The following IPO7 variants were observed in gnomAD, a reference collection of about 807,000 sequenced individuals.
IPO7 encodes importin-7.
IPO7 carries 13 observed loss-of-function variants against 136.4 expected under a neutral mutation model. That is an observed-to-expected ratio of 0.10 (90% CI 0.06 to 0.15). The LOEUF (loss-of-function observed/expected upper bound fraction) is 0.15. Ranked by LOEUF, IPO7 falls within the 10% of genes least tolerant of loss-of-function variation. The pLI, the probability that IPO7 is intolerant of heterozygous loss-of-function variation, is 1.00. For missense variants in IPO7, 857 were observed against 1,240.6 expected (o/e 0.69, Z 4.65); for synonymous variants, 403 against 404.4 (o/e 1.00, Z 0.04).
At chr11:9,408,730 T>A in intron 3 of IPO7, 91 bp downstream of exon 3, 1 of 709,044 alleles carries the variant, frequency 1.4e-6, no homozygotes, top group South Asian at 2.4e-5. Flanking sequence ...TTTTTTTTTT[T>A]GAGATGGACT....
intron 1 of IPO7, among the ~76,000 whole-genome samples, chr11:9,398,564 GA>G (rs754113730): frequency 2.0e-5 from 3 of 152,312 alleles, no homozygotes; most frequent in Non-Finnish European, 2.9e-5. Context: ...ACTCTGAAAT[GA>G]AGTCATGTGT....
At chr11:9,407,403 A>G (rs962779358) in intron 2 of IPO7, among the ~76,000 whole-genome samples, 4 of 152,050 alleles carry the variant, frequency 2.6e-5, no homozygotes, top group Non-Finnish European at 4.4e-5. Context: ...AAAATACAAA[A>G]ATTACCTGGG....
At chr11:9,387,785 C>T (rs1248505516) in intron 1 of IPO7, among the ~76,000 whole-genome samples, 2 of 151,352 alleles carry the variant, frequency 1.3e-5, no homozygotes, top group Non-Finnish European at 1.5e-5. Flanking sequence ...GAGCTGAGAT[C>T]GTGCCACTGC....
chr11:9,433,512 T>A, intron 16 of IPO7, 58 bp from the exon 17 acceptor site: 3 of 1,152,044 alleles, frequency 2.6e-6, no homozygotes, highest in East Asian at 2.3e-5. Context: ...ATATGCGTTG[T>A]CTTACTAAGT....
In IPO7 at chr11:9,438,107, C is replaced by T. The variant is rs745969937; in HGVS notation, c.2517C>T (p.Leu839=). 16 of 1,335,700 alleles carry T rather than the reference C, an allele frequency of 1.2e-5. No individual in the cohort carries two copies. The highest frequency in any genetic ancestry group is 5.5e-5 in the African/African-American group (3 of 54,794). The allele number at this position is 1,335,700 out of a possible 1,614,324, so 82.7% of individuals were successfully genotyped here. A position where few individuals can be genotyped will look rare whatever the true frequency, so the allele number is the denominator to read the frequency against. Residue 839 remains leucine, a synonymous_variant, in exon 22 of 25, where the codon CTC becomes CTT. Coordinates refer to ENST00000379719, the MANE Select transcript of IPO7 (RefSeq NM_006391.3). ...LGLHDRKMCV[L]GLCALIDMEQ... ...TTCATGACAGAAAGATGTGTGTTCT[C>T]GGACTCTGTGCTCTTATTGATATGG...
Position 9,445,233 on chromosome 11 carries a change from A to C in IPO7, c.*39A>C. On this transcript the variant is annotated 3_prime_UTR_variant, in exon 25 of 25. Coordinates refer to ENST00000379719, the MANE Select transcript of IPO7 (RefSeq NM_006391.3). ...TTCCTGCTGTGTGCTTGTAGTGAAG[A>C]GCTTGTGTTCCTCCTAGTAGTGGTT... The C allele has an allele frequency of 7.8e-7, 1 of 1,274,766 alleles. No homozygotes were observed. The highest frequency in any genetic ancestry group is 1.5e-5 in the African/African-American group (1 of 68,294). 79.0% of individuals were successfully genotyped at this position (1,274,766 alleles called of 1,614,324 possible).
At chr11:9,427,895 T>C (rs1590446470) in intron 12 of IPO7, among the ~76,000 whole-genome samples, 2 of 152,260 alleles carry the variant, frequency 1.3e-5, no homozygotes, top group South Asian at 4.1e-4. Context: ...TTGTCATGTC[T>C]GATTATGTAA....
At chr11:9,421,923 G>A (rs756389215) in intron 8 of IPO7, among the ~76,000 whole-genome samples, 2 of 150,956 alleles carry the variant, frequency 1.3e-5, no homozygotes, top group African/African-American at 4.9e-5. Flanking sequence ...CAGCCTGGGC[G>A]ACAGAGCAAG....
At chr11:9,424,300 G>C (rs1163742973) in intron 10 of IPO7, among the ~76,000 whole-genome samples, 1 of 152,184 alleles carries the variant, frequency 6.6e-6, no homozygotes, top group Non-Finnish European at 1.5e-5. Context: ...TTCTTACCAA[G>C]TCATTTGTGC....
At chr11:9,394,508 A>T (rs910732693) in intron 1 of IPO7, among the ~76,000 whole-genome samples, 1 of 152,124 alleles carries the variant, frequency 6.6e-6, no homozygotes, top group Non-Finnish European at 1.5e-5. Flanking sequence ...CTTGAATTAC[A>T]TTCTTCATTA....
Position 9,438,640 on chromosome 11 carries a change from A to T in IPO7, c.2695+355A>T, listed in dbSNP as rs560467918. Among the ~76,000 whole-genome samples, 4 of 151,820 alleles carry T rather than the reference A, an allele frequency of 2.6e-5. No homozygotes were observed. In the South Asian group the frequency reaches 8.3e-4, roughly 32 times the overall value. ...ACTCCATCTCAGATTAAAAAAAAATATATATATATATCACTAGCCCTTCTC... is the reference window on the plus strand; with the variant it reads ...ACTCCATCTCAGATTAAAAAAAAATTTATATATATATCACTAGCCCTTCTC... On this transcript the variant is annotated intron_variant, in intron 22 of 24. Coordinates refer to ENST00000379719, the MANE Select transcript of IPO7 (RefSeq NM_006391.3).
At chr11:9,404,636 G>A (rs1367758004) in intron 2 of IPO7, among the ~76,000 whole-genome samples, 2 of 133,218 alleles carry the variant, frequency 1.5e-5, no homozygotes, top group Admixed American at 1.7e-4. Context: ...CGCGATTTCC[G>A]CTCACTGCAA....
chr11:9,390,733 C>G (rs1403141023), intron 1 of IPO7, among the ~76,000 whole-genome samples: 1 of 147,984 alleles, frequency 6.8e-6, no homozygotes, highest in African/African-American at 2.5e-5. Context: ...AAGAGGATCG[C>G]TCGTCCAGGA....
intron 2 of IPO7, among the ~76,000 whole-genome samples, chr11:9,405,402 C>T (rs1010129195): frequency 1.3e-5 from 2 of 152,096 alleles, no homozygotes; most frequent in African/African-American, 4.8e-5. Flanking sequence ...TCTCCATCTC[C>T]TGACCTCGTG....
chr11:9,391,796 C>T (rs1205875375), intron 1 of IPO7, among the ~76,000 whole-genome samples: 2 of 152,080 alleles, frequency 1.3e-5, no homozygotes, highest in East Asian at 1.9e-4. Context: ...GACAGGGTTT[C>T]ACACTGTTAC....
At chr11:9,423,977 GTTT>G in intron 10 of IPO7, 101 bp downstream of exon 10, 1 of 636,940 alleles carries the variant, frequency 1.6e-6, no homozygotes, top group South Asian at 2.0e-5. Flanking sequence ...CTTCTTTGTT[GTTT>G]TAATGTAATT....
chr11:9,425,844 A>G (rs1453314700), intron 12 of IPO7, among the ~76,000 whole-genome samples: 1 of 151,372 alleles, frequency 6.6e-6, no homozygotes, highest in Non-Finnish European at 1.5e-5. Context: ...ACGCCACTGC[A>G]ATCCAGCCTG....
At chr11:9,413,864 A>G (rs974223885) in intron 4 of IPO7, among the ~76,000 whole-genome samples, 5 of 151,848 alleles carry the variant, frequency 3.3e-5, no homozygotes, top group African/African-American at 1.2e-4. Flanking sequence ...CCTCATCTAT[A>G]TCAATTGATT....
intron 5 of IPO7, among the ~76,000 whole-genome samples, chr11:9,415,405 T>C (rs1427715792): frequency 1.3e-5 from 2 of 152,060 alleles, no homozygotes; most frequent in Non-Finnish European, 2.9e-5. Flanking sequence ...ATGCAAAATA[T>C]ACATAGATTG....
Sources: gnomAD v4.1 joint callset for allele counts (sites outside exome capture counted in the v4.1 genomes callset) on GRCh38, gnomAD v4.1.1 for gene constraint, MANE v1.5 for transcripts, NCBI Gene and HGNC (gene_info 2026-07-23, HGNC 2026-07-21) for gene names.